DZIP3: variants seen among roughly 807,000 people sequenced by gnomAD.
DZIP3 encodes E3 ubiquitin-protein ligase DZIP3.
Under a neutral mutation model 162.0 loss-of-function variants are expected in DZIP3, and 118 were observed. The ratio of observed to expected loss-of-function variants is 0.73; its 90% CI spans 0.63 to 0.85. DZIP3 has a LOEUF of 0.85. DZIP3 is among the 40% of genes least tolerant of loss of function. The probability of loss-of-function intolerance (pLI) is 0.00; values close to 1 mark genes in which losing one functional copy is unlikely to be tolerated. For missense variants in DZIP3, 1,331 were observed against 1,407.0 expected (o/e 0.95, Z 0.86); for synonymous variants, 438 against 458.6 (o/e 0.96, Z 0.57).
intron 14 of DZIP3, among the ~76,000 whole-genome samples, chr3:108,646,207 A>G (rs1382666252): frequency 1.3e-5 from 2 of 152,206 alleles, no homozygotes; most frequent in Non-Finnish European, 2.9e-5. Flanking sequence ...TAGGTGCTCA[A>G]TAAATATTAA....
intron 8 of DZIP3, among the ~76,000 whole-genome samples, chr3:108,631,556 A>AATTATT (rs144310530): frequency 2.0e-5 from 3 of 146,432 alleles, no homozygotes; most frequent in South Asian, 2.1e-4. Flanking sequence ...TTTTAAAAAA[A>AATTATT]ATTATTATTA....
chr3:108,672,068 A>G (rs1454512166), intron 22 of DZIP3, among the ~76,000 whole-genome samples: 5 of 151,906 alleles, frequency 3.3e-5, no homozygotes, highest in Non-Finnish European at 5.9e-5. Context: ...TCTTCCCACT[A>G]TAACTTCACA....
At chr3:108,670,157 A>C (rs745856589) in intron 22 of DZIP3, among the ~76,000 whole-genome samples, 2 of 151,974 alleles carry the variant, frequency 1.3e-5, no homozygotes, top group East Asian at 1.9e-4. Flanking sequence ...AATCCATTTC[A>C]TACAGCATAA....
At chr3:108,658,036 T>C (rs1943223445) in intron 19 of DZIP3, among the ~76,000 whole-genome samples, 1 of 149,676 alleles carries the variant, frequency 6.7e-6, no homozygotes, top group Admixed American at 6.7e-5. Flanking sequence ...CACACAATAA[T>C]CATGGGAGAC....
At chr3:108,651,882 A>C (rs186059566) in intron 18 of DZIP3, among the ~76,000 whole-genome samples, 81 of 151,954 alleles carry the variant, frequency 5.3e-4, no homozygotes, top group Non-Finnish European at 3.1e-4. Flanking sequence ...ATAAAGTAAG[A>C]TATCTTTAAA....
chr3:108,623,156 C>G (rs62266425), intron 5 of DZIP3, among the ~76,000 whole-genome samples: 1 of 151,664 alleles, frequency 6.6e-6, no homozygotes, highest in African/African-American at 2.4e-5. Flanking sequence ...ACTTGGTGTT[C>G]TATCCCACTG....
At chr3:108,618,533 A>G (rs1479961177) in intron 5 of DZIP3, among the ~76,000 whole-genome samples, 2 of 152,180 alleles carry the variant, frequency 1.3e-5, no homozygotes, top group African/African-American at 2.4e-5. Context: ...TCTAGATTCT[A>G]TGGTCTGAAC....
intron 16 of DZIP3, 147 bp downstream of exon 16, chr3:108,648,259 T>A: frequency 1.5e-6 from 1 of 678,154 alleles, no homozygotes. Flanking sequence ...GGTCCTTTCC[T>A]TCCTTGCCTC....
At chr3:108,626,727 C>T (rs539654033) in intron 7 of DZIP3, among the ~76,000 whole-genome samples, 81 of 152,220 alleles carry the variant, frequency 5.3e-4, no homozygotes, top group Non-Finnish European at 8.5e-4. Flanking sequence ...AGATATAGAT[C>T]TTAATCAACT....
In DZIP3 at chr3:108,662,264, G is replaced by T. The variant is rs368072027; in HGVS notation, c.2423+7G>T. The T allele has an allele frequency of 6.3e-7, 1 of 1,577,630 alleles. No homozygotes were observed. The highest frequency in any genetic ancestry group is 8.6e-7 in the Non-Finnish European group (1 of 1,169,392). On this transcript the variant is annotated splice_region_variant and intron_variant, in intron 21 of 32. Transcript: ENST00000361582. Reference sequence around the variant, plus strand: ...GAATCAATAAGGTTTCCAAGTAAGTGTAAATCTTTTGATAAAGGGAAATTC... The same window carrying T: ...GAATCAATAAGGTTTCCAAGTAAGTTTAAATCTTTTGATAAAGGGAAATTC...
chr3:108,603,098 C>T (rs1224649405), intron 1 of DZIP3: 1 of 152,156 alleles, frequency 6.6e-6, no homozygotes, highest in African/African-American at 2.4e-5. Context: ...TTCTTTTCAT[C>T]CTTGCTGTGA....
chr3:108,659,582 CAG>C (rs1397958389), intron 19 of DZIP3, among the ~76,000 whole-genome samples: 1 of 151,758 alleles, frequency 6.6e-6, no homozygotes, highest in Non-Finnish European at 1.5e-5. Context: ...TGGCACAAGA[CAG>C]GGATGCCCTC....
chr3:108,634,577 C>T lies in DZIP3; in HGVS notation c.817-294C>T, dbSNP rs185109503. Among the ~76,000 whole-genome samples the T allele has an allele frequency of 2.0e-5, 3 of 152,090 alleles. No homozygotes were observed. The East Asian group carries it at 5.8e-4, about 29-fold the overall frequency. On this transcript the variant is annotated intron_variant, in intron 9 of 32. Coordinates refer to ENST00000361582, the MANE Select transcript of DZIP3 (RefSeq NM_014648.4). ...ATGAAGATGGGTAGGTAGCATGTTC[C>T]TCTGTAGACACACTCACTGGGTTTC...
chr3:108,606,191 T>G (rs1458047625), intron 2 of DZIP3, among the ~76,000 whole-genome samples: 1 of 152,186 alleles, frequency 6.6e-6, no homozygotes, highest in African/African-American at 2.4e-5. Context: ...AAGGGTAATT[T>G]AAGCATGATG....
chr3:108,621,290 A>T (rs73210671), intron 5 of DZIP3, among the ~76,000 whole-genome samples: 50,237 of 151,992 alleles, frequency 0.33, 8,637 homozygotes, highest in Middle Eastern at 0.38. Context: ...ACCAGTTTTT[A>T]AAAAATTTTA....
intron 1 of DZIP3, among the ~76,000 whole-genome samples, chr3:108,593,770 G>A (rs1255030020): frequency 3.3e-5 from 5 of 150,458 alleles, no homozygotes; most frequent in African/African-American, 9.8e-5. Context: ...TGACCTCCCC[G>A]GGCTTATCTT....
intron 2 of DZIP3, among the ~76,000 whole-genome samples, chr3:108,606,368 T>C (rs1233223601): frequency 6.6e-6 from 1 of 152,210 alleles, no homozygotes. Flanking sequence ...GTGTGACTTA[T>C]TAATTTATTT....
chr3:108,601,196 A>G (rs1027444531), intron 1 of DZIP3, among the ~76,000 whole-genome samples: 1 of 152,114 alleles, frequency 6.6e-6, no homozygotes, highest in African/African-American at 2.4e-5. Context: ...TTATGCCCCA[A>G]GGGATACTTG....
intron 1 of DZIP3, among the ~76,000 whole-genome samples, chr3:108,593,884 C>T (rs980456421): frequency 9.9e-5 from 15 of 151,780 alleles, no homozygotes; most frequent in Admixed American, 3.9e-4. Context: ...ACGCTGGTCT[C>T]GAACTCCTGG....
Sources: gnomAD v4.1 joint callset for allele counts (sites outside exome capture counted in the v4.1 genomes callset) on GRCh38, gnomAD v4.1.1 for gene constraint, MANE v1.5 for transcripts, NCBI Gene and HGNC (gene_info 2026-07-23, HGNC 2026-07-21) for gene names.